SHANK2: variants seen among roughly 807,000 people sequenced by gnomAD.
The protein encoded by SHANK2 is SH3 and multiple ankyrin repeat domains protein 2.
In SHANK2, 43 loss-of-function variants were observed where a neutral mutation model predicts 133.7. The ratio of observed to expected loss-of-function variants is 0.32; its 90% CI spans 0.25 to 0.41. The LOEUF (loss-of-function observed/expected upper bound fraction) is 0.41. SHANK2 is among the 10% of genes least tolerant of loss of function. The probability of loss-of-function intolerance (pLI) is 1.00; values close to 1 mark genes in which losing one functional copy is unlikely to be tolerated. For synonymous variants in SHANK2, 1,017 were observed against 952.8 expected (o/e 1.07, Z -1.24); for missense variants, 1,994 against 2,235.8 (o/e 0.89, Z 2.18).
chr11:70,498,754 G>A (rs2059007874), intron 21 of SHANK2, among the ~76,000 whole-genome samples: 1 of 152,180 alleles, frequency 6.6e-6, no homozygotes, highest in African/African-American at 2.4e-5. Context: ...TAAAACAATG[G>A]AAACGTATCC....
intron 10 of SHANK2, among the ~76,000 whole-genome samples, chr11:70,918,448 C>T (rs1435617211): frequency 1.3e-5 from 2 of 152,186 alleles, no homozygotes; most frequent in African/African-American, 4.8e-5. Context: ...CTCTGCCAGT[C>T]GAAGTGGAAT....
intron 11 of SHANK2, among the ~76,000 whole-genome samples, chr11:70,826,311 A>G (rs541801683): frequency 2.6e-5 from 4 of 152,224 alleles, no homozygotes; most frequent in African/African-American, 9.6e-5. Context: ...CTCAAACCAA[A>G]CCGTATCCCA....
chr11:70,867,270 C>T (rs566572393), intron 11 of SHANK2, among the ~76,000 whole-genome samples: 5 of 152,164 alleles, frequency 3.3e-5, no homozygotes, highest in East Asian at 1.9e-4. Context: ...GGTGGAAGGA[C>T]GCTCTTGTCC....
chr11:70,663,185 C>T (rs985803027), intron 15 of SHANK2, among the ~76,000 whole-genome samples: 10 of 152,206 alleles, frequency 6.6e-5, no homozygotes, highest in Admixed American at 2.0e-4. Context: ...AAATTTCAAA[C>T]AAGGCCATGT....
chr11:70,812,656 C>T (rs1474110136), intron 12 of SHANK2, among the ~76,000 whole-genome samples: 1 of 152,242 alleles, frequency 6.6e-6, no homozygotes, highest in African/African-American at 2.4e-5. Context: ...CAGCCATAGT[C>T]AGCAGCAGAA....
chr11:70,920,877 G>A (rs1950340388), intron 10 of SHANK2, among the ~76,000 whole-genome samples: 1 of 152,180 alleles, frequency 6.6e-6, no homozygotes, highest in East Asian at 1.9e-4. Flanking sequence ...TCAAAACCTT[G>A]TCCTGAATCA....
intron 17 of SHANK2, among the ~76,000 whole-genome samples, chr11:70,514,215 T>C (rs2059238906): frequency 2.0e-5 from 3 of 152,176 alleles, no homozygotes; most frequent in Admixed American, 2.0e-4. Context: ...GAACCTCTTG[T>C]AGAAGACGGC....
At chr11:70,578,082 C>T (rs186960186) in intron 17 of SHANK2, among the ~76,000 whole-genome samples, 1 of 152,160 alleles carries the variant, frequency 6.6e-6, no homozygotes, top group African/African-American at 2.4e-5. Context: ...GTCTGTGGGG[C>T]GTTGTGGTCA....
chr11:71,156,749 T>C (rs1555109162), intron 2 of SHANK2, among the ~76,000 whole-genome samples: 2 of 152,220 alleles, frequency 1.3e-5, no homozygotes, highest in Admixed American at 6.5e-5. Flanking sequence ...GGGCTTTATA[T>C]GGCAGTGTCT....
chr11:71,234,047 A>AAGAT (rs1446976608), intron 1 of SHANK2, among the ~76,000 whole-genome samples: 4 of 150,118 alleles, frequency 2.7e-5, no homozygotes, highest in African/African-American at 9.9e-5. Flanking sequence ...ACTCGTCTCA[A>AAGAT]AGATAAATAA....
At chr11:70,627,960 T>C (rs1299226351) in intron 17 of SHANK2, among the ~76,000 whole-genome samples, 3 of 152,040 alleles carry the variant, frequency 2.0e-5, no homozygotes, top group Admixed American at 6.6e-5. Context: ...GGAAGAGAGT[T>C]GTTTTTTGTT....
chr11:71,211,476 T>C (rs1217074779), intron 2 of SHANK2, among the ~76,000 whole-genome samples: 2 of 151,776 alleles, frequency 1.3e-5, no homozygotes, highest in African/African-American at 4.8e-5. Context: ...AGGTCAAAGC[T>C]GCAGTGAGCC....
intron 11 of SHANK2, among the ~76,000 whole-genome samples, chr11:70,878,723 C>G (rs184554530): frequency 5.9e-5 from 9 of 152,310 alleles, no homozygotes; most frequent in Admixed American, 3.3e-4. Flanking sequence ...TGAACTTCCT[C>G]CTGCTCCATC....
intron 17 of SHANK2, among the ~76,000 whole-genome samples, chr11:70,607,516 G>A (rs943117663): frequency 2.0e-5 from 3 of 152,200 alleles, no homozygotes; most frequent in African/African-American, 4.8e-5. Flanking sequence ...GCACCTGCAC[G>A]CACACACTGG....
chr11:70,593,901 G>A (rs1554988715), intron 17 of SHANK2, among the ~76,000 whole-genome samples: 1 of 152,126 alleles, frequency 6.6e-6, no homozygotes, highest in Non-Finnish European at 1.5e-5. Context: ...AGGCTCTGGT[G>A]ATACAATAGT....
At chr11:71,217,772 A>C (rs1954443188) in intron 2 of SHANK2, among the ~76,000 whole-genome samples, 1 of 152,260 alleles carries the variant, frequency 6.6e-6, no homozygotes, top group Admixed American at 6.5e-5. Context: ...CTTATGGAAT[A>C]AGGATATATG....
Position 70,485,241 on chromosome 11 carries a change from C to G in SHANK2, c.4979+73G>C. ...CTCTTCGTGTCCGCTGGGGCTGCTA[C>G]CCGAGGGCCTTTCCTGGTCAGCAGG... On this transcript the variant is annotated intron_variant, in intron 25 of 25. Transcript: ENST00000601538. The surrounding 1 kb of genome is among the most constrained non-coding windows in gnomAD (Gnocchi z 5.8). 3 of 1,324,318 alleles carry G rather than the reference C, an allele frequency of 2.3e-6. No individual in the cohort carries two copies. The highest frequency in any genetic ancestry group is 2.2e-6 in the Non-Finnish European group (2 of 924,144). 82.0% of individuals were successfully genotyped at this position (1,324,318 alleles called of 1,614,324 possible). A position where few individuals can be genotyped will look rare whatever the true frequency, so the allele number is the denominator to read the frequency against.
chr11:70,585,579 C>T (rs1445103895), intron 17 of SHANK2, among the ~76,000 whole-genome samples: 1 of 152,144 alleles, frequency 6.6e-6, no homozygotes, highest in Non-Finnish European at 1.5e-5. Flanking sequence ...ACCCGCCCAC[C>T]CACTCATTCA....
At chr11:70,837,483 C>T (rs1555060346) in intron 11 of SHANK2, among the ~76,000 whole-genome samples, 1 of 152,228 alleles carries the variant, frequency 6.6e-6, no homozygotes, top group Non-Finnish European at 1.5e-5. Context: ...CCATCCTGTC[C>T]AAGAGGGTTA....
Sources: allele counts gnomAD v4.1 joint callset (sites outside exome capture counted in the v4.1 genomes callset), GRCh38; gene constraint gnomAD v4.1.1; non-coding constraint Gnocchi (gnomAD v3.1); transcripts MANE v1.5; gene names NCBI Gene and HGNC (gene_info 2026-07-23, HGNC 2026-07-21).